Variants in ELP5 observed in about 807,000 individuals in gnomAD.
ELP5 encodes elongator complex protein 5.
A neutral mutation model predicts 33.4 loss-of-function variants in ELP5; 34 were observed. That is an observed-to-expected ratio of 1.02 (90% CI 0.78 to 1.36). The LOEUF (loss-of-function observed/expected upper bound fraction) is 1.36. Among genes scored for constraint, ELP5 ranks in the 40% most tolerant of loss-of-function variants. ELP5 has a pLI of 0.00. For missense variants in ELP5, 373 were observed against 371.7 expected (o/e 1.00, Z -0.03); for synonymous variants, 161 against 146.4 (o/e 1.10, Z -0.72).
chr17:7,253,064 A>G, intron 3 of ELP5, 66 bp downstream of exon 3: 1 of 1,504,368 alleles, frequency 6.6e-7, no homozygotes. Flanking sequence ...ATTTCTTTAC[A>G]ACAAGCGCAG....
chr17:7,258,719 T>C (rs774764511), intron 6 of ELP5, 36 bp downstream of exon 6: 15 of 1,613,864 alleles, frequency 9.3e-6, no homozygotes, highest in African/African-American at 1.3e-5. Context: ...CAAGGAAATG[T>C]AGTTTAGTAT....
intron 4 of ELP5, among the ~76,000 whole-genome samples, chr17:7,255,066 T>C (rs1039423748): frequency 2.0e-5 from 3 of 152,030 alleles, no homozygotes; most frequent in Non-Finnish European, 4.4e-5. Flanking sequence ...ATATACAATG[T>C]GTCAGGTACA....
chr17:7,254,698 C>G lies in ELP5; in HGVS notation c.304C>G (p.Pro102Ala). 1.2e-6 allele frequency: 2 copies of G among 1,614,148 alleles called. No homozygotes were observed. Among genetic ancestry groups the G allele is most frequent in the Non-Finnish European group, 1.7e-6 (2 of 1,180,024 alleles). Residue 102 changes from proline (P) to alanine (A), a missense_variant, in exon 4 of 8, where the codon CCT (proline) becomes GCT (alanine). Transcript: ENST00000396628. ...CATGTGCAAGAGGACAGATCCTGTT[C>G]CTGTCACCATTGCTCTCGATTCACT... Reference protein sequence around the residue: ...RAMCKRTDPVPVTIALDSLSW... With the variant: ...RAMCKRTDPVAVTIALDSLSW...
intron 4 of ELP5, 79 bp downstream of exon 4, chr17:7,254,882 A>G (rs1194814252): frequency 2.3e-6 from 3 of 1,281,310 alleles, no homozygotes; most frequent in Non-Finnish European, 3.4e-6. Flanking sequence ...TCTACCCTAG[A>G]ATAAACATCT....
At chr17:7,254,521 A>C in intron 3 of ELP5, 62 bp from the exon 4 acceptor site, 2 of 1,240,074 alleles carry the variant, frequency 1.6e-6, no homozygotes, top group Non-Finnish European at 2.3e-6. Flanking sequence ...TCAGAGGATG[A>C]ACTTTGTGAT....
chr17:7,258,716 A>G, intron 6 of ELP5, 33 bp downstream of exon 6: 1 of 1,614,044 alleles, frequency 6.2e-7, no homozygotes, highest in South Asian at 1.1e-5. Flanking sequence ...GAACAAGGAA[A>G]TGTAGTTTAG....
In ELP5 at chr17:7,252,910, T is replaced by G. The variant is rs2071980977; in HGVS notation, c.108-8T>G. On this transcript the variant is annotated splice_polypyrimidine_tract_variant and splice_region_variant and intron_variant, in intron 2 of 7. Transcript: ENST00000396628. ...CTCTTTGACAATCCCTTCTCATCTC[T>G]GCCTTAGTGGGGAGCAAGTGCATAT... 13 of 1,614,202 alleles carry G rather than the reference T, an allele frequency of 8.1e-6. No homozygotes were observed. Among genetic ancestry groups the G allele is most frequent in the Non-Finnish European group, 1.1e-5 (13 of 1,180,028 alleles).
intron 3 of ELP5, among the ~76,000 whole-genome samples, chr17:7,253,794 G>C (rs955243185): frequency 6.6e-6 from 1 of 152,102 alleles, no homozygotes; most frequent in East Asian, 1.9e-4. Flanking sequence ...TCTGGAGTTC[G>C]AGACCAGCCT....
intron 4 of ELP5, 134 bp downstream of exon 4, chr17:7,254,937 CTG>C: frequency 1.1e-5 from 7 of 611,806 alleles, no homozygotes; most frequent in South Asian, 6.8e-5. Flanking sequence ...ACTTTTTTGT[CTG>C]TTTTTTTTTT....
At chr17:7,253,058 C>T (rs1345466409) in intron 3 of ELP5, 60 bp downstream of exon 3, 22 of 1,539,298 alleles carry the variant, frequency 1.4e-5, no homozygotes, top group Non-Finnish European at 2.0e-5. Flanking sequence ...AAGGAAATTT[C>T]TTTACAACAA....
chr17:7,255,380 T>G (rs1257298551), intron 4 of ELP5, among the ~76,000 whole-genome samples: 1 of 151,670 alleles, frequency 6.6e-6, no homozygotes, highest in Non-Finnish European at 1.5e-5. Context: ...AAAAAAAAAT[T>G]AGCCGGGCTT....
At chr17:7,255,080 C>G (rs879108611) in intron 4 of ELP5, among the ~76,000 whole-genome samples, 11 of 151,568 alleles carry the variant, frequency 7.3e-5, no homozygotes, top group Non-Finnish European at 1.2e-4. Context: ...AGGTACAATT[C>G]TAGATAATGG....
chr17:7,259,938 G>C, downstream of ELP5: 1 of 433,570 alleles, frequency 2.3e-6, no homozygotes, highest in Non-Finnish European at 3.9e-6. Flanking sequence ...TATTAAAAAA[G>C]AAGTACTTTG....
chr17:7,253,491 C>T (rs1284796679), intron 3 of ELP5, among the ~76,000 whole-genome samples: 1 of 152,120 alleles, frequency 6.6e-6, no homozygotes, highest in Non-Finnish European at 1.5e-5. Flanking sequence ...GATTTATTGA[C>T]TAATATGGGG....
chr17:7,251,990 C>T (rs2142999724), upstream of ELP5: 2 of 182,242 alleles, frequency 1.1e-5, no homozygotes, highest in Non-Finnish European at 1.2e-5. Flanking sequence ...CTCTTCCTGT[C>T]TTTCCCCCTC....
chr17:7,252,902 C>A lies in ELP5; in HGVS notation c.108-16C>A, dbSNP rs767883041. 6.2e-7 allele frequency: 1 copy of A among 1,614,198 alleles called. No individual in the cohort carries two copies. Among genetic ancestry groups the A allele is most frequent in the Non-Finnish European group, 8.5e-7 (1 of 1,180,018 alleles). ...TGTGCCCACTCTTTGACAATCCCTT[C>A]TCATCTCTGCCTTAGTGGGGAGCAA... is the stretch of plus-strand genomic sequence containing the variant. On this transcript the variant is annotated splice_polypyrimidine_tract_variant and intron_variant, in intron 2 of 7. Coordinates refer to ENST00000396628, the MANE Select transcript of ELP5 (RefSeq NM_203414.3).
rs2071954430 is a variant in ELP5 at position 7,252,385 on chromosome 17, G to A, written c.-166G>A. The A allele has an allele frequency of 5.7e-6, 6 of 1,054,978 alleles. No homozygotes were observed. The highest frequency in any genetic ancestry group is 2.1e-5 in the Admixed American group (1 of 47,686). 65.4% of individuals were successfully genotyped at this position (1,054,978 alleles called of 1,614,324 possible). A position where few individuals can be genotyped will look rare whatever the true frequency, so the allele number is the denominator to read the frequency against. On this transcript the variant is annotated 5_prime_UTR_variant, in exon 1 of 8. Transcript: ENST00000396628. The stretch of plus-strand genomic sequence containing the variant: ...GGGGAGGGGCGCCCTCCGCGTGAGC[G>A]CCCCCCTGGGAATATTGAACATAAT...
intron 7 of ELP5, chr17:7,259,280 A>C (rs2072156023): frequency 9.5e-6 from 13 of 1,375,028 alleles, no homozygotes; most frequent in Non-Finnish European, 1.2e-5. Flanking sequence ...GGCTTAGTAC[A>C]CGCTTGCTGT....
chr17:7,255,820 G>A (rs1457410109), intron 4 of ELP5, among the ~76,000 whole-genome samples: 2 of 152,194 alleles, frequency 1.3e-5, no homozygotes, highest in Non-Finnish European at 2.9e-5. Context: ...CCAGCACTTG[G>A]GGAGGCCAAG....
Sources: allele counts gnomAD v4.1 joint callset (sites outside exome capture counted in the v4.1 genomes callset), GRCh38; gene constraint gnomAD v4.1.1; transcripts MANE v1.5; gene names NCBI Gene and HGNC (gene_info 2026-07-23, HGNC 2026-07-21).